The following RAP1GAP variants were observed in gnomAD, a reference collection of about 807,000 sequenced individuals.
RAP1GAP encodes the protein rap1 GTPase-activating protein 1.
In RAP1GAP, 35 loss-of-function variants were observed where a neutral mutation model predicts 87.2. The ratio of observed to expected loss-of-function variants is 0.40; its 90% CI spans 0.31 to 0.53. The LOEUF (loss-of-function observed/expected upper bound fraction) is 0.53, where lower values mean the gene tolerates loss of function less well. Ranked by LOEUF, RAP1GAP falls within the 20% of genes least tolerant of loss-of-function variation. RAP1GAP has a pLI of 0.48. For missense variants in RAP1GAP, 734 were observed against 898.9 expected (o/e 0.82, Z 2.35); for synonymous variants, 375 against 363.9 (o/e 1.03, Z -0.35).
intron 1 of RAP1GAP, among the ~76,000 whole-genome samples, chr1:21,656,435 A>C (rs4993313): frequency 0.12 from 18,239 of 145,912 alleles, 1,802 homozygotes; most frequent in African/African-American, 0.15. Flanking sequence ...AAAAAAAAAA[A>C]AAAAAAAAAA....
chr1:21,638,580 T>C (rs865893772), intron 2 of RAP1GAP, among the ~76,000 whole-genome samples: 2 of 152,192 alleles, frequency 1.3e-5, no homozygotes, highest in Non-Finnish European at 2.9e-5. Context: ...GTCCGTCCTC[T>C]TTCTCTTTAA....
rs2097501270 is a variant in RAP1GAP, at chr1:21,669,189, G to A, written c.-149+65C>T. 3 of 1,230,870 alleles carry A rather than the reference G, an allele frequency of 2.4e-6. No homozygotes were observed. The highest frequency in any genetic ancestry group is 3.1e-6 in the Non-Finnish European group (3 of 965,584). The allele number at this position is 1,230,870 out of a possible 1,614,324, so 76.2% of individuals were successfully genotyped here. ...CGCGGGGTCTTCGCTGCGAGCCGAC[G>A]GGAGTCTGGACACCTCTGTCCCCTT... On this transcript the variant is annotated intron_variant, in intron 1 of 24. Transcript: ENST00000374765. This position sits in a 1 kb window ranked among gnomAD's most constrained non-coding sequence, Gnocchi z 5.6.
intron 3 of RAP1GAP, among the ~76,000 whole-genome samples, chr1:21,620,273 C>A (rs1165339684): frequency 6.6e-6 from 1 of 152,146 alleles, no homozygotes; most frequent in African/African-American, 2.4e-5. Context: ...AGCCTAGGGC[C>A]CAGGGCCAGA....
At position 21,608,366 on chromosome 1, in the gene RAP1GAP, G is replaced by A. The variant is rs931008304; in HGVS notation, c.1159-16C>T. 1.3e-5 allele frequency: 21 copies of A among 1,609,736 alleles called. No individual in the cohort carries two copies. Among genetic ancestry groups the A allele is most frequent in the Middle Eastern group, 1.7e-4 (1 of 6,008 alleles). ...GCGTCCGCTCCTGTGGGCCAGGCCC[G>A]GGCCGTCAGGAGGGACCCCAAGGAT... is the stretch of plus-strand genomic sequence containing the variant. On this transcript the variant is annotated splice_polypyrimidine_tract_variant and intron_variant, in intron 16 of 24. Transcript: ENST00000374765.
At chr1:21,599,645 G>C in intron 20 of RAP1GAP, 28 bp from the exon 21 acceptor site, 1 of 1,590,754 alleles carries the variant, frequency 6.3e-7, no homozygotes, top group Non-Finnish European at 8.5e-7. Context: ...CCATTAGCCG[G>C]TGTCCACCCC....
chr1:21,666,869 AG>A (rs1225299302), intron 1 of RAP1GAP, among the ~76,000 whole-genome samples: 5 of 152,074 alleles, frequency 3.3e-5, no homozygotes, highest in Non-Finnish European at 7.4e-5. Context: ...ACAGAAGACG[AG>A]GGCTTCTGAA....
intron 2 of RAP1GAP, among the ~76,000 whole-genome samples, chr1:21,646,751 T>C (rs985655402): frequency 2.0e-5 from 3 of 152,276 alleles, no homozygotes; most frequent in Non-Finnish European, 4.4e-5. Flanking sequence ...CCAGCCCCCA[T>C]TCTAGGATAT....
chr1:21,651,849 C>A, intron 1 of RAP1GAP: 1 of 1,118,750 alleles, frequency 8.9e-7, no homozygotes, highest in Non-Finnish European at 1.1e-6. Flanking sequence ...CCCGGCCCGG[C>A]CCGCGCGAGC....
chr1:21,627,402 C>T (rs2092543755), intron 2 of RAP1GAP, among the ~76,000 whole-genome samples: 1 of 138,794 alleles, frequency 7.2e-6, no homozygotes, highest in South Asian at 2.4e-4. Context: ...TGTGAGCCTC[C>T]CTTCTTCTTT....
At position 21,614,193 on chromosome 1, in the gene RAP1GAP, G is replaced by A. The variant is rs566242280; in HGVS notation, c.292-104C>T. On this transcript the variant is annotated intron_variant, in intron 7 of 24. Transcript: ENST00000374765. ...CACTCCCAGATGCAGGTCCTTCGCC[G>A]ATAGCAGGTGTCACGGCTGATAGCA... 64 of 716,332 alleles carry A rather than the reference G, an allele frequency of 8.9e-5. 1 individual carries two copies. Among genetic ancestry groups the A allele is most frequent in the Middle Eastern group, 7.8e-4 (2 of 2,568 alleles). The allele number at this position is 716,332 out of a possible 1,614,324, so 44.4% of individuals were successfully genotyped here.
Position 21,601,526 on chromosome 1 carries a change from G to T in RAP1GAP, c.1652+158C>A, listed in dbSNP as rs531383301. On this transcript the variant is annotated intron_variant, in intron 20 of 24. Coordinates refer to ENST00000374765, the MANE Select transcript of RAP1GAP (RefSeq NM_002885.4). ...TGGGCGTGCACAAAGTGCTCGCTGGGTATATGTCAAAGGAGGGCCCCAGAG... is the reference window on the plus strand; with the variant it reads ...TGGGCGTGCACAAAGTGCTCGCTGGTTATATGTCAAAGGAGGGCCCCAGAG... 6.8e-4 allele frequency among the ~76,000 whole-genome samples: 104 copies of T among 152,358 alleles called. 1 individual carries two copies. Among genetic ancestry groups the T allele is most frequent in the African/African-American group, 2.4e-3 (100 of 41,582 alleles).
At position 21,604,093 on chromosome 1, in the gene RAP1GAP, C is replaced by T. The variant is rs118131506; in HGVS notation, c.1429-1180G>A. Reference sequence around the variant, plus strand: ...AGAGATAGGGCCGGGGAAAGGAAGGCGAGAAGCACAAGGAGAGACAGAGGA... The same window carrying T: ...AGAGATAGGGCCGGGGAAAGGAAGGTGAGAAGCACAAGGAGAGACAGAGGA... On this transcript the variant is annotated intron_variant, in intron 18 of 24. Coordinates refer to ENST00000374765, the MANE Select transcript of RAP1GAP (RefSeq NM_002885.4). 1.7e-3 allele frequency among the ~76,000 whole-genome samples: 261 copies of T among 151,574 alleles called. 4 individuals carry two copies. The East Asian group carries it at 0.048, about 28-fold the overall frequency.
At chr1:21,602,466 T>C (rs1402273821) in intron 19 of RAP1GAP, among the ~76,000 whole-genome samples, 2 of 152,204 alleles carry the variant, frequency 1.3e-5, no homozygotes, top group Non-Finnish European at 2.9e-5. Flanking sequence ...AAACCAGCAC[T>C]AGGCCCTCCC....
rs939179125 is a variant in RAP1GAP, at chr1:21,603,691, G to A, written c.1429-778C>T. The A allele has an allele frequency of 4.5e-6, 4 of 889,798 alleles. No homozygotes were observed. Among genetic ancestry groups the A allele is most frequent in the Non-Finnish European group, 7.5e-6 (4 of 531,628 alleles). 55.1% of individuals were successfully genotyped at this position (889,798 alleles called of 1,614,324 possible). A position where few individuals can be genotyped will look rare whatever the true frequency, so the allele number is the denominator to read the frequency against. On this transcript the variant is annotated intron_variant, in intron 18 of 24. Transcript: ENST00000374765. The surrounding 1 kb of genome is among the most constrained non-coding windows in gnomAD (Gnocchi z 6.0). ...AAAGCAGGTGCTGAGTGCCATCGGA[G>A]CTGCCGCCACTCCATCCCGCACGCC...
intron 2 of RAP1GAP, among the ~76,000 whole-genome samples, chr1:21,641,579 G>A (rs762050414): frequency 6.6e-5 from 10 of 152,200 alleles, no homozygotes; most frequent in African/African-American, 1.2e-4. Context: ...CAGGTTCACT[G>A]CTGCATCCCC....
chr1:21,609,516 C>T lies in RAP1GAP; in HGVS notation c.1071+59G>A. ...CCTCATAAGGCAGAATGTGTATGCACCCCCCAGGCCCCCACCCATTTGTCC... is the reference window on the plus strand; with the variant it reads ...CCTCATAAGGCAGAATGTGTATGCATCCCCCAGGCCCCCACCCATTTGTCC... On this transcript the variant is annotated intron_variant, in intron 15 of 24. Transcript: ENST00000374765. This position sits in a 1 kb window ranked among gnomAD's most constrained non-coding sequence, Gnocchi z 4.4. The T allele has an allele frequency of 9.8e-7, 1 of 1,021,604 alleles. No homozygotes were observed. The highest frequency in any genetic ancestry group is 2.6e-5 in the South Asian group (1 of 39,008). The allele number at this position is 1,021,604 out of a possible 1,614,324, so 63.3% of individuals were successfully genotyped here.
intron 1 of RAP1GAP, among the ~76,000 whole-genome samples, chr1:21,658,753 A>G (rs961698325): frequency 6.6e-6 from 1 of 151,776 alleles, no homozygotes; most frequent in African/African-American, 2.4e-5. Context: ...CTAAGGGTAT[A>G]TTTTTAATAA....
chr1:21,654,604 G>A (rs1419035377), intron 1 of RAP1GAP, among the ~76,000 whole-genome samples: 1 of 152,018 alleles, frequency 6.6e-6, no homozygotes, highest in Non-Finnish European at 1.5e-5. Context: ...AGGCCGAATA[G>A]GGAGGATCAC....
At position 21,608,468 on chromosome 1, in the gene RAP1GAP, GGGAGGGC is replaced by G. The variant is rs552198947; in HGVS notation, c.1159-125_1159-119del. On this transcript the variant is annotated intron_variant, in intron 16 of 24. Coordinates refer to ENST00000374765, the MANE Select transcript of RAP1GAP (RefSeq NM_002885.4). ...ACCTTCTCTGAATGAGTGGGGAGTG[GGGAGGGC>G]GGAGGGCTCCTGCACCGCCTTCCCC... 371 of 1,382,418 alleles carry G rather than the reference GGGAGGGC, an allele frequency of 2.7e-4. 3 individuals are homozygous for G. The African/African-American group carries it at 4.4e-3, about 17-fold the overall frequency. 85.6% of individuals were successfully genotyped at this position (1,382,418 alleles called of 1,614,324 possible).
Sources: allele counts gnomAD v4.1 joint callset (sites outside exome capture counted in the v4.1 genomes callset), GRCh38; gene constraint gnomAD v4.1.1; non-coding constraint Gnocchi (gnomAD v3.1); transcripts MANE v1.5; gene names NCBI Gene and HGNC (gene_info 2026-07-23, HGNC 2026-07-21).